The following GPNMB variants were observed in gnomAD, a reference collection of about 807,000 sequenced individuals.
The protein encoded by GPNMB is transmembrane glycoprotein NMB.
In GPNMB, 71 loss-of-function variants were observed where a neutral mutation model predicts 57.3. The ratio of observed to expected loss-of-function variants is 1.24; its 90% confidence interval spans 1.02 to 1.51. The LOEUF (loss-of-function observed/expected upper bound fraction) is 1.51. Ranked by LOEUF, GPNMB falls within the 40% of genes most tolerant of loss-of-function variation. GPNMB has a pLI of 0.00. For synonymous variants in GPNMB, 253 were observed against 263.2 expected, an observed-to-expected ratio of 0.96 and a Z score of 0.38; for missense variants, 677 against 691.9, an observed-to-expected ratio of 0.98 and a Z score of 0.24.
Position 23,256,891 on chromosome 7 carries a change from G to A in GPNMB, c.368-1G>A. On this transcript the variant is annotated splice_acceptor_variant, in intron 3 of 10. Transcript: ENST00000258733. LOFTEE classifies it high-confidence loss of function. ...CATGGCTGGTTTCTATCTCTGTTTAGAGGCTGGTTTATCTGCTGATCCGTA... is the reference window on the plus strand; with the variant it reads ...CATGGCTGGTTTCTATCTCTGTTTAAAGGCTGGTTTATCTGCTGATCCGTA... 1 of 1,613,398 alleles carries A rather than the reference G, an allele frequency of 6.2e-7. No homozygotes were observed. Among genetic ancestry groups the A allele is most frequent in the Non-Finnish European group, 8.5e-7 (1 of 1,179,350 alleles).
At chr7:23,257,097 T>A in intron 4 of GPNMB, 32 bp downstream of exon 4, 2 of 1,569,240 alleles carry the variant, frequency 1.3e-6, no homozygotes, top group Non-Finnish European at 8.8e-7. Context: ...AGCTTCTTCT[T>A]TACCTTTCCT....
chr7:23,259,615 T>A (rs2128482616), intron 4 of GPNMB, among the ~76,000 whole-genome samples: 1 of 152,338 alleles, frequency 6.6e-6, no homozygotes, highest in South Asian at 2.1e-4. Context: ...TTTTTTTAAC[T>A]CTTCTGGACA....
Position 23,273,566 on chromosome 7 carries a change from T to C in GPNMB, c.1475T>C (p.Val492Ala), listed in dbSNP as rs771563559. The change falls in exon 10 of 11, where the codon GTT (valine) becomes GCT (alanine). Residue 492 changes from valine (V) to alanine (A), a missense_variant. Coordinates refer to ENST00000258733, the MANE Select transcript of GPNMB (RefSeq NM_002510.3). Reference protein sequence around the residue: ...LRMANSALISVGCLAIFVTVI... With the variant: ...LRMANSALISAGCLAIFVTVI... ...ATGGCAAACAGTGCCCTGATCTCCG[T>C]TGGCTGCTTGGCCATATTTGTCACT... 4.1e-5 allele frequency: 66 copies of C among 1,613,926 alleles called. 1 individual carries two copies. In the Admixed American group the frequency reaches 1.1e-3, roughly 26 times the overall value.
chr7:23,256,877 T>C lies in GPNMB; in HGVS notation c.368-15T>C, dbSNP rs770018869. On this transcript the variant is annotated splice_polypyrimidine_tract_variant and intron_variant, in intron 3 of 10. Transcript: ENST00000258733. ...GCCTAGATAACACTCATGGCTGGTT[T>C]CTATCTCTGTTTAGAGGCTGGTTTA... 6.2e-7 allele frequency: 1 copy of C among 1,610,834 alleles called. No homozygotes were observed. The highest frequency in any genetic ancestry group is 1.7e-5 in the Admixed American group (1 of 60,004).
chr7:23,249,591 A>G (rs1239069898), intron 1 of GPNMB, among the ~76,000 whole-genome samples: 1 of 152,212 alleles, frequency 6.6e-6, no homozygotes, highest in Non-Finnish European at 1.5e-5. Flanking sequence ...AAAACCCAAC[A>G]TAATTTCCTG....
intron 4 of GPNMB, 133 bp downstream of exon 4, chr7:23,257,198 T>TAC (rs1328672773): frequency 1.2e-6 from 1 of 813,952 alleles, no homozygotes; most frequent in Non-Finnish European, 2.1e-6. Flanking sequence ...TTCCTTAGCA[T>TAC]GAGTGAACAG....
At position 23,253,383 on chromosome 7, in the gene GPNMB, T is replaced by C. The variant is rs777506338; in HGVS notation, c.147T>C (p.Ser49=). The C allele has an allele frequency of 6.2e-7, 1 of 1,614,004 alleles. No individual in the cohort carries two copies. The highest frequency in any genetic ancestry group is 8.5e-7 in the Non-Finnish European group (1 of 1,179,870). ...REHNQLNGWS[S]DENDWNEKLY... is the part of the protein sequence containing the mutation. Reference sequence around the variant, plus strand: ...ACAATCAATTAAATGGCTGGTCTTCTGATGAAAATGACTGGAATGAAAAAC... The same window carrying C: ...ACAATCAATTAAATGGCTGGTCTTCCGATGAAAATGACTGGAATGAAAAAC... Residue 49 remains serine (S), a synonymous_variant, in exon 2 of 11, where the codon TCT becomes TCC. Transcript: ENST00000258733.
chr7:23,268,127 T>C lies in GPNMB; in HGVS notation c.1220+139T>C, dbSNP rs116622942. 3.7e-4 allele frequency: 234 copies of C among 630,320 alleles called. No individual in the cohort carries two copies. In the African/African-American group the frequency reaches 4.0e-3, roughly 11 times the overall value. The allele number at this position is 630,320 out of a possible 1,614,324, so 39.0% of individuals were successfully genotyped here. On this transcript the variant is annotated intron_variant, in intron 8 of 10. Transcript: ENST00000258733. ...TTGAATTCCTATTTACTGGTAACCC[T>C]AGACAGGAAGGTCCCTAGGAGGTGC...
At position 23,274,013 on chromosome 7, in the gene GPNMB, A is replaced by G. The variant is rs1783276593; in HGVS notation, c.1524-52A>G. On this transcript the variant is annotated intron_variant, in intron 10 of 10. Coordinates refer to ENST00000258733, the MANE Select transcript of GPNMB (RefSeq NM_002510.3). Reference sequence around the variant, plus strand: ...CATGAAAAAGATTGTAGAAAGTTGTATATTTCAACTGAAGATCTTTTAAAA... The same window carrying G: ...CATGAAAAAGATTGTAGAAAGTTGTGTATTTCAACTGAAGATCTTTTAAAA... 2.2e-6 allele frequency: 3 copies of G among 1,377,960 alleles called. No homozygotes were observed. In the Admixed American group the frequency reaches 6.1e-5, roughly 28 times the overall value. The allele number at this position is 1,377,960 out of a possible 1,614,324, so 85.4% of individuals were successfully genotyped here.
At chr7:23,257,232 G>A in intron 4 of GPNMB, 167 bp downstream of exon 4, 1 of 673,032 alleles carries the variant, frequency 1.5e-6, no homozygotes, top group Non-Finnish European at 2.7e-6. Context: ...TGAAATCTTG[G>A]TTAACCTTGC....
At chr7:23,259,133 A>ACCCCATAAAAC (rs1398437030) in intron 4 of GPNMB, among the ~76,000 whole-genome samples, 2 of 152,210 alleles carry the variant, frequency 1.3e-5, no homozygotes, top group Non-Finnish European at 2.9e-5. Flanking sequence ...GTGCCTGTGG[A>ACCCCATAAAAC]ACCACCCCAT....
At position 23,253,443 on chromosome 7, in the gene GPNMB, G is replaced by A. The variant is rs766671694; in HGVS notation, c.207G>A (p.Trp69Ter). 6.2e-6 allele frequency: 10 copies of A among 1,613,480 alleles called. No homozygotes were observed. In the South Asian group the frequency reaches 1.1e-4, roughly 18 times the overall value. ...TGTGGAAGCGGGGAGACATGAGGTG[G>A]AAAAACTCCTGGAAGGGTAAGTCAA... is the stretch of plus-strand genomic sequence containing the variant. ...YPVWKRGDMR[W>*]KNSWKGGRVQ... Residue 69 changes from tryptophan to a stop codon, truncating the protein, a stop_gained, in exon 2 of 11, where the codon TGG (tryptophan) becomes TGA (stop). Transcript: ENST00000258733. LOFTEE classifies it high-confidence loss of function.
At chr7:23,260,283 C>A in intron 5 of GPNMB, 145 bp downstream of exon 5, 2 of 1,034,668 alleles carry the variant, frequency 1.9e-6, no homozygotes, top group South Asian at 1.6e-5. Context: ...AGTTGTAGTT[C>A]ATCTGTTTTC....
chr7:23,269,481 G>GATAA (rs1349472280), intron 8 of GPNMB, among the ~76,000 whole-genome samples: 6 of 152,182 alleles, frequency 3.9e-5, no homozygotes, highest in Admixed American at 2.6e-4. Flanking sequence ...TCTGAGGAAA[G>GATAA]ATAAATAAAT....
At position 23,273,547 on chromosome 7, in the gene GPNMB, A is replaced by C; in HGVS notation, c.1456A>C (p.Asn486His). ...RDPASPLRMANSALISVGCLA... is the reference protein window; with the variant it reads ...RDPASPLRMAHSALISVGCLA... Reference sequence around the variant, plus strand: ...CCCAGCCTCGCCTTTAAGGATGGCAAACAGTGCCCTGATCTCCGTTGGCTG... The same window carrying C: ...CCCAGCCTCGCCTTTAAGGATGGCACACAGTGCCCTGATCTCCGTTGGCTG... The change falls in exon 10 of 11, where the codon AAC becomes CAC. Residue 486 changes from asparagine (N) to histidine (H), a missense_variant. Asn to His is a moderately conservative substitution (Grantham distance 68). Transcript: ENST00000258733. The C allele has an allele frequency of 6.2e-6, 10 of 1,613,806 alleles. No homozygotes were observed. Among genetic ancestry groups the C allele is most frequent in the Non-Finnish European group, 8.5e-6 (10 of 1,179,668 alleles).
Position 23,274,169 on chromosome 7 carries a change from G to A in GPNMB, c.1628G>A (p.Gly543Glu). The A allele has an allele frequency of 6.2e-7, 1 of 1,613,974 alleles. No homozygotes were observed. Among genetic ancestry groups the A allele is most frequent in the Admixed American group, 1.7e-5 (1 of 60,018 alleles). The change falls in exon 11 of 11, where the codon GGA becomes GAA. Residue 543 changes from glycine (G) to glutamate (E), a missense_variant. Coordinates refer to ENST00000258733, the MANE Select transcript of GPNMB (RefSeq NM_002510.3). ...LNRAKAVFFP[G>E]NQEKDPLLKN... ...CGTGCAAAAGCCGTGTTCTTCCCGGGAAACCAGGAAAAGGATCCGCTACTC... is the reference window on the plus strand; with the variant it reads ...CGTGCAAAAGCCGTGTTCTTCCCGGAAAACCAGGAAAAGGATCCGCTACTC...
At chr7:23,259,827 G>T (rs1056163471) in intron 4 of GPNMB, among the ~76,000 whole-genome samples, 153 bp from the exon 5 acceptor site, 2 of 152,072 alleles carry the variant, frequency 1.3e-5, no homozygotes, top group Non-Finnish European at 2.9e-5. Context: ...ATTAAAATGA[G>T]CACCATCTCC....
In GPNMB at chr7:23,254,251, C is replaced by G; in HGVS notation, c.306C>G (p.Phe102Leu). The G allele has an allele frequency of 1.2e-6, 2 of 1,613,344 alleles. No homozygotes were observed. Among genetic ancestry groups the G allele is most frequent in the Non-Finnish European group, 1.7e-6 (2 of 1,179,338 alleles). Residue 102 changes from phenylalanine to leucine, a missense_variant, in exon 3 of 11, where the codon TTC (phenylalanine) becomes TTG (leucine). Coordinates refer to ENST00000258733, the MANE Select transcript of GPNMB (RefSeq NM_002510.3). Reference protein sequence around the residue: ...SNITFAVNLIFPRCQKEDANG... With the variant: ...SNITFAVNLILPRCQKEDANG... ...TAACATTTGCGGTGAACCTGATATT[C>G]CCTAGATGCCAAAAGGAAGATGCCA...
At chr7:23,261,552 G>A (rs1782923569) in intron 6 of GPNMB, among the ~76,000 whole-genome samples, 1 of 152,112 alleles carries the variant, frequency 6.6e-6, no homozygotes, top group African/African-American at 2.4e-5. Context: ...AACGCCGCAT[G>A]TTCTCATTCA....
Sources: gnomAD v4.1 joint callset for allele counts (sites outside exome capture counted in the v4.1 genomes callset) on GRCh38, gnomAD v4.1.1 for gene constraint, MANE v1.5 for transcripts, NCBI Gene and HGNC (gene_info 2026-07-23, HGNC 2026-07-21) for gene names.